ASXL2: variants seen among roughly 807,000 people sequenced by gnomAD.
ASXL2 encodes putative Polycomb group protein ASXL2.
A neutral mutation model predicts 122.0 loss-of-function variants in ASXL2; 23 were observed. The observed-to-expected ratio is 0.19, with a 90% CI of 0.14 to 0.27. The LOEUF (loss-of-function observed/expected upper bound fraction) is 0.27. Among genes scored for constraint, ASXL2 ranks in the 10% least tolerant of loss-of-function variants. The probability of loss-of-function intolerance (pLI) is 1.00; values close to 1 mark genes in which losing one functional copy is unlikely to be tolerated. For synonymous variants in ASXL2, 650 were observed against 637.0 expected (o/e 1.02, Z -0.31); for missense variants, 1,518 against 1,713.8 (o/e 0.89, Z 2.02).
At chr2:25,765,471 C>T (rs985226091) in intron 8 of ASXL2, among the ~76,000 whole-genome samples, 2 of 150,894 alleles carry the variant, frequency 1.3e-5, no homozygotes, top group African/African-American at 2.4e-5. Context: ...CAACAGAGCG[C>T]GACTCCCTCT....
intron 1 of ASXL2, among the ~76,000 whole-genome samples, chr2:25,859,017 T>C (rs1338980564): frequency 6.6e-6 from 1 of 151,588 alleles, no homozygotes; most frequent in East Asian, 2.0e-4. Flanking sequence ...TTTCACCATG[T>C]TGGCCAGGCT....
At chr2:25,764,564 T>C (rs1450428367) in intron 8 of ASXL2, among the ~76,000 whole-genome samples, 1 of 152,242 alleles carries the variant, frequency 6.6e-6, no homozygotes, top group Non-Finnish European at 1.5e-5. Flanking sequence ...AAACTTGCTA[T>C]ATACCATGAT....
chr2:25,790,081 C>G (rs1034348739), intron 5 of ASXL2, among the ~76,000 whole-genome samples: 7 of 152,018 alleles, frequency 4.6e-5, no homozygotes, highest in African/African-American at 1.4e-4. Context: ...CCCTCTCCCC[C>G]TTTTTTAAAG....
chr2:25,757,718 T>C (rs955110019), intron 9 of ASXL2, among the ~76,000 whole-genome samples: 5 of 142,908 alleles, frequency 3.5e-5, no homozygotes, highest in Admixed American at 7.0e-5. Flanking sequence ...CCCCCAGGAT[T>C]GCACTCTATG....
intron 5 of ASXL2, among the ~76,000 whole-genome samples, chr2:25,771,826 G>C (rs576272352): frequency 1.3e-5 from 2 of 152,262 alleles, no homozygotes; most frequent in South Asian, 4.2e-4. Context: ...CATCAAATCA[G>C]ATAAAACTTA....
intron 3 of ASXL2, among the ~76,000 whole-genome samples, chr2:25,834,597 C>T (rs2089487930): frequency 6.6e-6 from 1 of 152,062 alleles, no homozygotes; most frequent in Admixed American, 6.6e-5. Context: ...CCAAGCATGC[C>T]ATGTCCAAGT....
At chr2:25,779,084 ATTTTTTTTT>A (rs33911748) in intron 5 of ASXL2, among the ~76,000 whole-genome samples, 75 of 99,414 alleles carry the variant, frequency 7.5e-4, no homozygotes, top group Non-Finnish European at 9.0e-4. Flanking sequence ...CTTTTTTCTG[ATTTTTTTTT>A]TTTTTTTTTT....
intron 2 of ASXL2, among the ~76,000 whole-genome samples, chr2:25,840,284 C>A (rs570262866): frequency 6.6e-6 from 1 of 152,232 alleles, no homozygotes; most frequent in Non-Finnish European, 1.5e-5. Flanking sequence ...AATCTTACCA[C>A]CTAACTTCTT....
intron 5 of ASXL2, among the ~76,000 whole-genome samples, chr2:25,792,849 G>A (rs2088855956): frequency 6.6e-6 from 1 of 151,710 alleles, no homozygotes; most frequent in African/African-American, 2.4e-5. Flanking sequence ...CACGTGATCT[G>A]CCCTCCTCGG....
In ASXL2 at chr2:25,737,776, A is replaced by G. The variant is rs1282021429; in HGVS notation, c.*4253T>C. ...CAATCTATATACATATATTTATTGC[A>G]AATACTTAAAATTCTTATGTAAAAT... is the stretch of plus-strand genomic sequence containing the variant. On this transcript the variant is annotated 3_prime_UTR_variant, in exon 13 of 13. Transcript: ENST00000435504. The G allele has an allele frequency of 6.6e-6, 1 of 152,228 alleles. No homozygotes were observed. Among genetic ancestry groups the G allele is most frequent in the Non-Finnish European group, 1.5e-5 (1 of 68,040 alleles). 9.4% of individuals were successfully genotyped at this position (152,228 alleles called of 1,614,324 possible).
Position 25,878,215 on chromosome 2 carries a change from T to C in ASXL2, c.8A>G (p.Glu3Gly). 1 of 1,613,816 alleles carries C rather than the reference T, an allele frequency of 6.2e-7. No individual in the cohort carries two copies. ...CCTGCCCTTCTTCCTACGTCCCTTTTCCCTCATGTCGGGTCTTGAACTGAC... is the reference window on the plus strand; with the variant it reads ...CCTGCCCTTCTTCCTACGTCCCTTTCCCCTCATGTCGGGTCTTGAACTGAC... MR[E>G]KGRRKKGRTW... The change falls in exon 1 of 13, where the codon GAA becomes GGA. Residue 3 changes from glutamate (E) to glycine (G), a missense_variant. Glu to Gly is a moderately conservative substitution (Grantham distance 98). This residue lies in a region of ASXL2 where 28 missense variants were observed against 42.2 expected (regional missense o/e 0.66). Transcript: ENST00000435504.
In ASXL2 at chr2:25,750,735, C is replaced by G. The variant is rs1164608076; in HGVS notation, c.1143-322G>C. 2.6e-5 allele frequency among the ~76,000 whole-genome samples: 4 copies of G among 152,266 alleles called. No homozygotes were observed. The East Asian group carries it at 7.7e-4, about 29-fold the overall frequency. On this transcript the variant is annotated intron_variant, in intron 11 of 12. Coordinates refer to ENST00000435504, the MANE Select transcript of ASXL2 (RefSeq NM_018263.6). ...TAAGTTAATCCATATAAAGTACTTG[C>G]CTAACACATAATGAAAGTTCAGTAA...
chr2:25,743,204 T>C lies in ASXL2; in HGVS notation c.3133A>G (p.Arg1045Gly). Residue 1045 changes from arginine (R) to glycine (G), a missense_variant, in exon 13 of 13, where the codon AGG becomes GGG. By Grantham distance (125) the Arg-to-Gly change is moderately radical (BLOSUM62 -2). Around this residue, in one of 8 missense-constraint regions of ASXL2, gnomAD observed 831 missense variants for 833.1 expected, o/e 1.00. Coordinates refer to ENST00000435504, the MANE Select transcript of ASXL2 (RefSeq NM_018263.6). ...TGGTGTGTGTCAATGCTGGAGTCCC[T>C]CAGCTCCTTAGCTGAAAAGAGCTGA... ...PLQLFSAKEL[R>G]DSSIDTHQYH... 1 of 1,613,948 alleles carries C rather than the reference T, an allele frequency of 6.2e-7. No individual in the cohort carries two copies. Among genetic ancestry groups the C allele is most frequent in the Middle Eastern group, 1.6e-4 (1 of 6,062 alleles).
chr2:25,824,915 T>G (rs1296698373), intron 3 of ASXL2, among the ~76,000 whole-genome samples: 1 of 152,214 alleles, frequency 6.6e-6, no homozygotes, highest in Admixed American at 6.5e-5. Flanking sequence ...ATAAAGGTCA[T>G]TAAGTATACA....
chr2:25,856,551 T>C, intron 1 of ASXL2: 2 of 1,134,702 alleles, frequency 1.8e-6, no homozygotes, highest in East Asian at 2.6e-5. Context: ...TTGGTTGTAT[T>C]TCGCCAGACG....
chr2:25,740,480 T>C lies in ASXL2; in HGVS notation c.*1549A>G, dbSNP rs1164188764. On this transcript the variant is annotated 3_prime_UTR_variant, in exon 13 of 13. Transcript: ENST00000435504. ...TTTACCCATTCCAAATTAGGAGACT[T>C]GAAATCAATATGCAAATGATGCAAA... 8.8e-6 allele frequency: 2 copies of C among 227,634 alleles called. No homozygotes were observed. The highest frequency in any genetic ancestry group is 1.7e-5 in the Non-Finnish European group (2 of 114,728). The allele number at this position is 227,634 out of a possible 1,614,324, so 14.1% of individuals were successfully genotyped here.
chr2:25,806,325 A>G lies in ASXL2; in HGVS notation c.156T>C (p.Pro52=), dbSNP rs1463069830. Residue 52 remains proline, a synonymous_variant, in exon 4 of 13, where the codon CCT becomes CCC. Coordinates refer to ENST00000435504, the MANE Select transcript of ASXL2 (RefSeq NM_018263.6). ...GAAGCATTGCATTCAGGCATGCAAG[A>G]GGAGAAGTCCCACTGCAAAACAAAG... The part of the protein sequence containing the change: ...GLKEIRSGTS[P]LACLNAMLHT... 6.2e-7 allele frequency: 1 copy of G among 1,611,164 alleles called. No homozygotes were observed. The highest frequency in any genetic ancestry group is 1.7e-5 in the Admixed American group (1 of 59,684).
At chr2:25,854,936 G>T (rs1172585603) in intron 1 of ASXL2, among the ~76,000 whole-genome samples, 1 of 152,134 alleles carries the variant, frequency 6.6e-6, no homozygotes, top group Non-Finnish European at 1.5e-5. Flanking sequence ...TTACTGTAGA[G>T]CACAAGCCAT....
chr2:25,857,153 T>C (rs776270288), intron 1 of ASXL2, among the ~76,000 whole-genome samples: 1 of 149,238 alleles, frequency 6.7e-6, no homozygotes, highest in South Asian at 2.1e-4. Flanking sequence ...CTCTTTCCAA[T>C]ATGTGGTAAG....
Sources: gnomAD v4.1 joint callset for allele counts (sites outside exome capture counted in the v4.1 genomes callset) on GRCh38, gnomAD v4.1.1 for gene constraint, gnomAD v4.1.1 regional missense constraint, MANE v1.5 for transcripts, NCBI Gene and HGNC (gene_info 2026-07-23, HGNC 2026-07-21) for gene names.